Variants in ULK4 observed in about 807,000 individuals in gnomAD.
The protein encoded by ULK4 is unc-51 like kinase 4, also known as inactive serine/threonine-protein kinase ULK4.
A neutral mutation model predicts 160.6 loss-of-function variants in ULK4; 133 were observed. That is an observed-to-expected ratio of 0.83 (90% CI 0.72 to 0.96). The LOEUF (loss-of-function observed/expected upper bound fraction) is 0.96. ULK4 is among the 40% of genes least tolerant of loss of function. ULK4 has a pLI of 0.00. For synonymous variants in ULK4, 534 were observed against 539.8 expected (o/e 0.99, Z 0.15); for missense variants, 1,580 against 1,499.5 (o/e 1.05, Z -0.89).
At chr3:41,860,691 C>T (rs909829577) in intron 17 of ULK4, among the ~76,000 whole-genome samples, 12 of 152,242 alleles carry the variant, frequency 7.9e-5, no homozygotes, top group East Asian at 3.9e-4. Context: ...TGTCTTTTGA[C>T]GGGAGAGTTT....
chr3:41,748,245 T>C (rs918102569), intron 22 of ULK4, among the ~76,000 whole-genome samples: 6 of 150,550 alleles, frequency 4.0e-5, no homozygotes, highest in African/African-American at 1.5e-4. Context: ...ACACACACCA[T>C]ATATAGAGAT....
chr3:41,717,603 T>C, intron 23 of ULK4, 125 bp downstream of exon 23: 1 of 1,212,988 alleles, frequency 8.2e-7, no homozygotes, highest in African/African-American at 1.5e-5. Context: ...TACATATTCG[T>C]TAAAAAGTGT....
intron 18 of ULK4, among the ~76,000 whole-genome samples, chr3:41,825,994 G>A (rs1450493156): frequency 2.0e-5 from 3 of 152,102 alleles, no homozygotes; most frequent in Non-Finnish European, 4.4e-5. Flanking sequence ...AAGAGAGTGG[G>A]GACCAATATT....
intron 22 of ULK4, among the ~76,000 whole-genome samples, chr3:41,748,049 A>G (rs1421953571): frequency 1.3e-5 from 2 of 152,008 alleles, no homozygotes; most frequent in Non-Finnish European, 2.9e-5. Flanking sequence ...AATTTTACTT[A>G]TATTTTTATA....
intron 22 of ULK4, among the ~76,000 whole-genome samples, chr3:41,722,101 T>C (rs1374480817): frequency 2.6e-5 from 4 of 152,190 alleles, no homozygotes; most frequent in South Asian, 4.1e-4. Flanking sequence ...GCCCGCCTTA[T>C]AGGACTGCTG....
At chr3:41,717,898 TA>T in intron 22 of ULK4, 37 bp from the exon 23 acceptor site, 1 of 1,595,262 alleles carries the variant, frequency 6.3e-7, no homozygotes, top group Non-Finnish European at 8.6e-7. Context: ...CCTCTCATGA[TA>T]AAACACTTGA....
intron 32 of ULK4, among the ~76,000 whole-genome samples, chr3:41,535,232 T>C (rs1466176842): frequency 6.6e-6 from 1 of 152,142 alleles, no homozygotes; most frequent in Non-Finnish European, 1.5e-5. Context: ...ATGTATGTTC[T>C]AGCAGCAATA....
intron 3 of ULK4, 88 bp from the exon 4 acceptor site, chr3:41,936,028 T>C (rs1699766524): frequency 1.3e-6 from 2 of 1,522,236 alleles, no homozygotes; most frequent in Non-Finnish European, 8.9e-7. Flanking sequence ...GATACGAACA[T>C]TAAAAAATGA....
At chr3:41,428,846 T>G (rs2082838664) in intron 34 of ULK4, among the ~76,000 whole-genome samples, 2 of 152,122 alleles carry the variant, frequency 1.3e-5, no homozygotes, top group Non-Finnish European at 2.9e-5. Context: ...GACACAGGCA[T>G]GGGCAAAGAT....
In ULK4 at chr3:41,867,028, T is replaced by C. The variant is rs141435138; in HGVS notation, c.1656+16846A>G. On this transcript the variant is annotated intron_variant, in intron 17 of 36. Transcript: ENST00000301831. ...CTAGAGATTTAAAAATCTTATGCAA[T>C]TTATCAATATGAACTATTGGTTTGG... Among the ~76,000 whole-genome samples the C allele has an allele frequency of 1.7e-3, 259 of 152,328 alleles. 2 individuals are homozygous for C. Among genetic ancestry groups the C allele is most frequent in the African/African-American group, 5.8e-3 (243 of 41,572 alleles).
chr3:41,655,186 T>C (rs1422568272), intron 30 of ULK4, among the ~76,000 whole-genome samples: 7 of 151,876 alleles, frequency 4.6e-5, no homozygotes. Context: ...GTACATGGAA[T>C]GCTACGCAGC....
At chr3:41,876,246 T>C (rs1042240196) in intron 17 of ULK4, among the ~76,000 whole-genome samples, 8 of 152,132 alleles carry the variant, frequency 5.3e-5, no homozygotes, top group Admixed American at 2.0e-4. Flanking sequence ...CTTATAATGA[T>C]GCAAAGGTGA....
At chr3:41,271,643 C>G (rs1386536164) in intron 35 of ULK4, among the ~76,000 whole-genome samples, 1 of 152,132 alleles carries the variant, frequency 6.6e-6, no homozygotes, top group East Asian at 1.9e-4. Context: ...ATCCACCTGC[C>G]TCGGCCTCCC....
intron 17 of ULK4, among the ~76,000 whole-genome samples, chr3:41,873,416 T>C (rs1275537901): frequency 1.3e-5 from 2 of 152,140 alleles, no homozygotes; most frequent in Non-Finnish European, 2.9e-5. Context: ...TCTTAAAGTA[T>C]TACTATTTCA....
intron 30 of ULK4, among the ~76,000 whole-genome samples, chr3:41,637,485 T>A (rs1449413371): frequency 1.3e-5 from 2 of 152,226 alleles, no homozygotes; most frequent in Non-Finnish European, 2.9e-5. Context: ...CTATTGTGAA[T>A]AATGCTGAAA....
At chr3:41,678,177 T>TACACACACAC (rs752843326) in intron 29 of ULK4, among the ~76,000 whole-genome samples, 83 of 123,132 alleles carry the variant, frequency 6.7e-4, no homozygotes, top group Middle Eastern at 4.3e-3. Flanking sequence ...CTTTATTTCA[T>TACACACACAC]ACACACACAC....
At chr3:41,721,333 AATATATATATATATATAT>A (rs71075483) in intron 22 of ULK4, among the ~76,000 whole-genome samples, 2 of 26,940 alleles carry the variant, frequency 7.4e-5, no homozygotes, top group Non-Finnish European at 1.2e-4. Flanking sequence ...TTTTAATGTA[AATATATATATATATATAT>A]ATATATATAT....
At chr3:41,688,929 A>T (rs1033708647) in intron 27 of ULK4, among the ~76,000 whole-genome samples, 3 of 152,134 alleles carry the variant, frequency 2.0e-5, no homozygotes, top group African/African-American at 4.8e-5. Context: ...GGAAGCCAAA[A>T]CCACAACCTC....
chr3:41,522,881 A>C (rs901373665), intron 32 of ULK4, among the ~76,000 whole-genome samples: 9 of 152,046 alleles, frequency 5.9e-5, no homozygotes, highest in African/African-American at 2.2e-4. Flanking sequence ...CTGGTGAAAA[A>C]ACAGTCAACA....
Sources: gnomAD v4.1 joint callset for allele counts (sites outside exome capture counted in the v4.1 genomes callset) on GRCh38, gnomAD v4.1.1 for gene constraint, MANE v1.5 for transcripts, NCBI Gene and HGNC (gene_info 2026-07-23, HGNC 2026-07-21) for gene names.